Variants in SSBP2 observed in about 807,000 individuals in gnomAD.
SSBP2 encodes the protein single-stranded DNA-binding protein 2.
SSBP2 carries 17 observed loss-of-function variants against 61.8 expected under a neutral mutation model. That is an observed-to-expected ratio of 0.28 (90% CI 0.19 to 0.41). The LOEUF (loss-of-function observed/expected upper bound fraction) is 0.41, where lower values mean the gene tolerates loss of function less well. SSBP2 is among the 10% of genes least tolerant of loss of function. SSBP2 has a pLI of 1.00. For synonymous variants in SSBP2, 139 were observed against 141.3 expected, an observed-to-expected ratio of 0.98 and a Z score of 0.12; for missense variants, 310 against 458.7, an observed-to-expected ratio of 0.68 and a Z score of 2.96.
rs144058292 is a variant in SSBP2 at position 81,653,998 on chromosome 5, G to GTT, written c.63-3661_63-3660dup. 7.7e-3 allele frequency among the ~76,000 whole-genome samples: 1,132 copies of GTT among 146,356 alleles called. 6 individuals are homozygous for GTT. Among genetic ancestry groups the GTT allele is most frequent in the South Asian group, 0.016 (73 of 4,628 alleles). ...TTTTAAGTTTGGTGTTTTTTGTTTT[G>GTT]TTTTTTTTTTTGAGACAGGGTCTTG... On this transcript the variant is annotated intron_variant, in intron 1 of 16. Transcript: ENST00000320672.
At chr5:81,677,196 T>A (rs1337492049) in intron 1 of SSBP2, among the ~76,000 whole-genome samples, 1 of 152,190 alleles carries the variant, frequency 6.6e-6, no homozygotes, top group African/African-American at 2.4e-5. Context: ...AAAAGTTGCC[T>A]ATTGGACATC....
At chr5:81,432,821 C>T (rs867324268) in intron 15 of SSBP2, among the ~76,000 whole-genome samples, 24 of 151,044 alleles carry the variant, frequency 1.6e-4, no homozygotes, top group Middle Eastern at 3.4e-3. Context: ...AGTCAGCCCC[C>T]CGCCCGGCCA....
At chr5:81,459,816 T>A (rs984704120) in intron 10 of SSBP2, among the ~76,000 whole-genome samples, 1 of 152,182 alleles carries the variant, frequency 6.6e-6, no homozygotes, top group African/African-American at 2.4e-5. Flanking sequence ...TTGTAAAGCA[T>A]GTAAGCAAAT....
chr5:81,670,936 T>C (rs983122083), intron 1 of SSBP2, among the ~76,000 whole-genome samples: 2 of 152,224 alleles, frequency 1.3e-5, no homozygotes, highest in Non-Finnish European at 1.5e-5. Flanking sequence ...ATATTCACCA[T>C]TAAGTGATGC....
intron 10 of SSBP2, among the ~76,000 whole-genome samples, chr5:81,450,231 C>T (rs1449147449): frequency 6.6e-6 from 1 of 152,112 alleles, no homozygotes; most frequent in Non-Finnish European, 1.5e-5. Context: ...CTATGTTGCC[C>T]ACGCTGGTCT....
At chr5:81,735,807 T>G (rs1265016950) in intron 1 of SSBP2, among the ~76,000 whole-genome samples, 1 of 152,180 alleles carries the variant, frequency 6.6e-6, no homozygotes, top group Non-Finnish European at 1.5e-5. Context: ...CCATAAAATA[T>G]TAGATAAAAT....
intron 2 of SSBP2, among the ~76,000 whole-genome samples, chr5:81,639,613 C>T (rs1378959152): frequency 6.7e-6 from 1 of 150,354 alleles, no homozygotes; most frequent in Non-Finnish European, 1.5e-5. Flanking sequence ...TACGGAGATC[C>T]AGAAAGATCT....
chr5:81,585,770 T>C (rs903807738), intron 4 of SSBP2, among the ~76,000 whole-genome samples: 1 of 152,142 alleles, frequency 6.6e-6, no homozygotes, highest in African/African-American at 2.4e-5. Context: ...ACTTCTCCTG[T>C]TTAACTGAAA....
At chr5:81,599,212 T>C (rs1581135212) in intron 4 of SSBP2, among the ~76,000 whole-genome samples, 2 of 152,080 alleles carry the variant, frequency 1.3e-5, no homozygotes, top group East Asian at 3.9e-4. Context: ...AGGCAAGAAA[T>C]TGTAAGCTAA....
chr5:81,738,358 A>C (rs1481949526), intron 1 of SSBP2, among the ~76,000 whole-genome samples: 1 of 152,198 alleles, frequency 6.6e-6, no homozygotes. Flanking sequence ...CTAAACCTTG[A>C]GTTCAGATTT....
At chr5:81,629,536 C>T (rs903515695) in intron 3 of SSBP2, among the ~76,000 whole-genome samples, 1 of 152,198 alleles carries the variant, frequency 6.6e-6, no homozygotes, top group African/African-American at 2.4e-5. Context: ...TGAGATTTCA[C>T]ATTATTCCTT....
At chr5:81,463,597 G>A (rs1470321361) in intron 9 of SSBP2, among the ~76,000 whole-genome samples, 1 of 152,074 alleles carries the variant, frequency 6.6e-6, no homozygotes, top group East Asian at 1.9e-4. Flanking sequence ...CCACTTAGGA[G>A]GCTGAGGCAG....
At chr5:81,501,256 TATATATATATATACAC>T (rs1475432050) in intron 5 of SSBP2, among the ~76,000 whole-genome samples, 2,427 of 55,438 alleles carry the variant, frequency 0.044, 304 homozygotes, top group African/African-American at 0.12. Flanking sequence ...TATATATATA[TATATATATATATACAC>T]ACACACACAC....
chr5:81,684,179 C>G (rs1363824739), intron 1 of SSBP2, among the ~76,000 whole-genome samples: 1 of 151,994 alleles, frequency 6.6e-6, no homozygotes, highest in Non-Finnish European at 1.5e-5. Context: ...CCTACAATTG[C>G]CAATACATAG....
chr5:81,431,084 G>A (rs1762255057), intron 15 of SSBP2, among the ~76,000 whole-genome samples: 1 of 152,152 alleles, frequency 6.6e-6, no homozygotes, highest in East Asian at 1.9e-4. Context: ...TCCCAGAACA[G>A]GTAATGAGGG....
chr5:81,575,653 G>C (rs1264883007), intron 4 of SSBP2, among the ~76,000 whole-genome samples: 2 of 152,004 alleles, frequency 1.3e-5, no homozygotes, highest in African/African-American at 2.4e-5. Context: ...TAAAACCATA[G>C]ATTTAAACCC....
intron 2 of SSBP2, among the ~76,000 whole-genome samples, chr5:81,639,882 T>C (rs908660647): frequency 6.6e-6 from 1 of 152,138 alleles, no homozygotes; most frequent in Non-Finnish European, 1.5e-5. Flanking sequence ...TGGTCCTAAA[T>C]GTAGAAACAA....
chr5:81,679,423 A>G (rs191465965), intron 1 of SSBP2, among the ~76,000 whole-genome samples: 146 of 152,338 alleles, frequency 9.6e-4, no homozygotes, highest in African/African-American at 3.2e-3. Flanking sequence ...AAAATGAATG[A>G]CAGCAACAAT....
At chr5:81,607,234 C>G (rs1027129074) in intron 4 of SSBP2, among the ~76,000 whole-genome samples, 2 of 151,946 alleles carry the variant, frequency 1.3e-5, no homozygotes, top group Non-Finnish European at 2.9e-5. Context: ...GAGGGATGAG[C>G]TAAGGTGATA....
Sources: allele counts gnomAD v4.1 joint callset (sites outside exome capture counted in the v4.1 genomes callset), GRCh38; gene constraint gnomAD v4.1.1; transcripts MANE v1.5; gene names NCBI Gene and HGNC (gene_info 2026-07-23, HGNC 2026-07-21).